The following CACNA2D3 variants were observed in gnomAD, a reference collection of about 807,000 sequenced individuals.
CACNA2D3 encodes voltage-dependent calcium channel subunit alpha-2/delta-3.
In CACNA2D3, 60 loss-of-function variants were observed where a neutral mutation model predicts 160.6. That is an observed-to-expected ratio of 0.37 (90% CI 0.30 to 0.46). The LOEUF (loss-of-function observed/expected upper bound fraction) is 0.46. Among genes scored for constraint, CACNA2D3 ranks in the 20% least tolerant of loss-of-function variants. The pLI, the probability that CACNA2D3 is intolerant of heterozygous loss-of-function variation, is 1.00. For synonymous variants in CACNA2D3, 558 were observed against 492.9 expected, an observed-to-expected ratio of 1.13 and a Z score of -1.75; for missense variants, 1,205 against 1,365.0, an observed-to-expected ratio of 0.88 and a Z score of 1.85.
chr3:54,887,911 C>T (rs1176566069), intron 23 of CACNA2D3, 48 bp from the exon 24 acceptor site: 1 of 1,463,824 alleles, frequency 6.8e-7, no homozygotes, highest in Non-Finnish European at 9.6e-7. Context: ...CTCTCATGCC[C>T]CTCTTCCAGC....
At chr3:54,613,143 A>G (rs544952374) in intron 9 of CACNA2D3, among the ~76,000 whole-genome samples, 2 of 152,332 alleles carry the variant, frequency 1.3e-5, no homozygotes, top group African/African-American at 4.8e-5. Context: ...TACAGTGTAC[A>G]TTATGTTTAT....
chr3:54,271,794 T>C (rs1224016903), intron 2 of CACNA2D3, among the ~76,000 whole-genome samples: 1 of 152,186 alleles, frequency 6.6e-6, no homozygotes, highest in African/African-American at 2.4e-5. Flanking sequence ...CTGTCACCTG[T>C]CAGTGATGGT....
chr3:54,990,605 C>CA (rs1398652757), intron 31 of CACNA2D3, among the ~76,000 whole-genome samples: 10 of 152,220 alleles, frequency 6.6e-5, no homozygotes, highest in African/African-American at 2.2e-4. Flanking sequence ...TCCAGAAAGA[C>CA]AGAGCTCCAA....
chr3:54,171,020 C>T (rs566147471), intron 2 of CACNA2D3, among the ~76,000 whole-genome samples: 5 of 151,544 alleles, frequency 3.3e-5, no homozygotes, highest in Admixed American at 6.6e-5. Context: ...GAGGAGAAAG[C>T]GTGTGGACCA....
chr3:54,259,552 T>C (rs1702366898), intron 2 of CACNA2D3, among the ~76,000 whole-genome samples: 1 of 152,164 alleles, frequency 6.6e-6, no homozygotes, highest in South Asian at 2.1e-4. Flanking sequence ...TTTTACCGTG[T>C]GGTGGGATTG....
rs531770153 is a variant in CACNA2D3 at position 54,799,807 on chromosome 3, C to G, written c.1381-17046C>G. On this transcript the variant is annotated intron_variant, in intron 13 of 37. Transcript: ENST00000474759. ...AGGCTGTCTGCCTCACACAGCAAGT[C>G]CCATGTCTGTCCCAGGTGGCTGCAG... 9.9e-5 allele frequency among the ~76,000 whole-genome samples: 15 copies of G among 152,244 alleles called. No homozygotes were observed. In the South Asian group the frequency reaches 3.1e-3, roughly 32 times the overall value.
At chr3:54,627,725 T>G in intron 9 of CACNA2D3, 62 bp from the exon 10 acceptor site, 1 of 990,706 alleles carries the variant, frequency 1.0e-6, no homozygotes, top group Non-Finnish European at 1.6e-6. Context: ...TCTAATTCAT[T>G]CAAGGTTGGT....
chr3:54,217,065 C>T (rs547286315), intron 2 of CACNA2D3, among the ~76,000 whole-genome samples: 12 of 152,186 alleles, frequency 7.9e-5, no homozygotes, highest in South Asian at 2.1e-4. Context: ...GGAAGGCCCA[C>T]GGGACTGAGA....
chr3:54,899,922 C>G (rs368838298), intron 27 of CACNA2D3, 54 bp downstream of exon 27: 2 of 1,298,274 alleles, frequency 1.5e-6, no homozygotes, highest in Middle Eastern at 1.8e-4. Flanking sequence ...CCCATTCATC[C>G]GGCCAGTGGG....
chr3:54,163,608 G>A (rs777380511), intron 2 of CACNA2D3, among the ~76,000 whole-genome samples: 3 of 152,144 alleles, frequency 2.0e-5, no homozygotes. Context: ...TCTCTCACAG[G>A]GAGGGGTAGA....
chr3:54,156,418 T>G (rs530577423), intron 2 of CACNA2D3, among the ~76,000 whole-genome samples: 2 of 152,310 alleles, frequency 1.3e-5, no homozygotes, highest in South Asian at 4.1e-4. Flanking sequence ...CCTGGGAGTA[T>G]GTTCCTCAGA....
chr3:54,167,420 C>G (rs7653627), intron 2 of CACNA2D3, among the ~76,000 whole-genome samples: 68,276 of 151,932 alleles, frequency 0.45, 15,445 homozygotes, highest in South Asian at 0.57. Context: ...CAGCGGGTTC[C>G]TTATACCCAT....
intron 11 of CACNA2D3, among the ~76,000 whole-genome samples, chr3:54,653,594 G>A (rs1181078965): frequency 1.3e-5 from 2 of 152,178 alleles, no homozygotes; most frequent in African/African-American, 4.8e-5. Flanking sequence ...GAGTTGAGAT[G>A]GTTCATTGTC....
intron 5 of CACNA2D3, among the ~76,000 whole-genome samples, chr3:54,533,793 TAGTGTGTG>T (rs774485236): frequency 7.6e-5 from 4 of 52,320 alleles, no homozygotes; most frequent in East Asian, 5.2e-4. Context: ...AAATGGAAAA[TAGTGTGTG>T]TGTGTGTGTG....
rs527499416 is a variant in CACNA2D3 at position 54,208,395 on chromosome 3, A to G, written c.204+84801A>G. On this transcript the variant is annotated intron_variant, in intron 2 of 37. Coordinates refer to ENST00000474759, the MANE Select transcript of CACNA2D3 (RefSeq NM_018398.3). ...AGTGCTGAGATTACAGGTGTGAGCC[A>G]CCACACCTGGCCAGAACTGCCTTTC... Among the ~76,000 whole-genome samples the G allele has an allele frequency of 1.2e-3, 185 of 152,290 alleles. 1 individual carries two copies. The highest frequency in any genetic ancestry group is 4.3e-3 in the African/African-American group (180 of 41,568).
chr3:54,528,090 G>A (rs1291210489), intron 5 of CACNA2D3, among the ~76,000 whole-genome samples: 2 of 151,990 alleles, frequency 1.3e-5, no homozygotes, highest in Admixed American at 6.6e-5. Flanking sequence ...GCCCCTCCAC[G>A]CTGTGGGAAA....
intron 35 of CACNA2D3, among the ~76,000 whole-genome samples, chr3:55,066,404 T>C (rs1013586470): frequency 6.6e-6 from 1 of 152,206 alleles, no homozygotes; most frequent in African/African-American, 2.4e-5. Context: ...TTTTTCAAGC[T>C]ACAGTTTTGT....
At chr3:54,195,251 C>T (rs930268275) in intron 2 of CACNA2D3, among the ~76,000 whole-genome samples, 3 of 152,178 alleles carry the variant, frequency 2.0e-5, no homozygotes, top group Non-Finnish European at 4.4e-5. Context: ...AACTCTGACT[C>T]CTAAGAATCA....
At chr3:54,950,866 A>G (rs1317714729) in intron 27 of CACNA2D3, among the ~76,000 whole-genome samples, 1 of 152,200 alleles carries the variant, frequency 6.6e-6, no homozygotes, top group Non-Finnish European at 1.5e-5. Context: ...TTTCAAGGCA[A>G]GAGCAGGAGA....
Sources: gnomAD v4.1 joint callset for allele counts (sites outside exome capture counted in the v4.1 genomes callset) on GRCh38, gnomAD v4.1.1 for gene constraint, MANE v1.5 for transcripts, NCBI Gene and HGNC (gene_info 2026-07-23, HGNC 2026-07-21) for gene names.